Variants in ARHGAP32 observed in about 807,000 individuals in gnomAD.
The protein encoded by ARHGAP32 is Rho GTPase activating protein 32.
In ARHGAP32, 51 loss-of-function variants were observed where a neutral mutation model predicts 186.5. That is an observed-to-expected ratio of 0.27 (90% CI 0.22 to 0.35). ARHGAP32 has a LOEUF of 0.35. Ranked by LOEUF, ARHGAP32 falls within the 10% of genes least tolerant of loss-of-function variation. ARHGAP32 has a pLI of 1.00. For missense variants in ARHGAP32, 2,186 were observed against 2,623.5 expected (o/e 0.83, Z 3.64); for synonymous variants, 950 against 964.3 (o/e 0.99, Z 0.27).
At chr11:129,178,027 G>A (rs1164347446) in intron 1 of ARHGAP32, among the ~76,000 whole-genome samples, 13 of 150,748 alleles carry the variant, frequency 8.6e-5, no homozygotes, top group African/African-American at 3.2e-4. Context: ...TGACATGATT[G>A]TATATCTAGA....
intron 1 of ARHGAP32, among the ~76,000 whole-genome samples, chr11:129,180,045 A>T (rs547193720): frequency 5.3e-5 from 8 of 152,302 alleles, no homozygotes; most frequent in African/African-American, 1.9e-4. Context: ...GAATTAATAC[A>T]TTAGCAAGAT....
At chr11:128,986,786 A>G (rs1333910890) in intron 13 of ARHGAP32, 118 bp from the exon 14 acceptor site, 18 of 868,594 alleles carry the variant, frequency 2.1e-5, no homozygotes, top group Non-Finnish European at 3.1e-5. Context: ...AGTTGCTATT[A>G]TCTTCCATTA....
chr11:129,178,635 G>T (rs927703310), intron 1 of ARHGAP32, among the ~76,000 whole-genome samples: 1 of 151,908 alleles, frequency 6.6e-6, no homozygotes. Context: ...CAGAAATAAT[G>T]CCGCATATCT....
At chr11:129,156,741 G>A (rs1032776800) in intron 2 of ARHGAP32, among the ~76,000 whole-genome samples, 3 of 152,174 alleles carry the variant, frequency 2.0e-5, no homozygotes, top group Admixed American at 2.0e-4. Context: ...GGGACAGACT[G>A]CCCCCTCAAG....
chr11:129,009,006 T>C (rs928070608), intron 11 of ARHGAP32, among the ~76,000 whole-genome samples: 4 of 152,210 alleles, frequency 2.6e-5, no homozygotes, highest in African/African-American at 9.6e-5. Flanking sequence ...ACATCTTCCA[T>C]ATGAACTTTA....
chr11:129,027,644 A>C (rs906338171), intron 11 of ARHGAP32, among the ~76,000 whole-genome samples: 4 of 152,154 alleles, frequency 2.6e-5, no homozygotes, highest in Non-Finnish European at 5.9e-5. Flanking sequence ...TTTGTTCAAA[A>C]GTAGGTTTCT....
intron 13 of ARHGAP32, among the ~76,000 whole-genome samples, chr11:128,987,358 A>T (rs935010818): frequency 4.6e-5 from 7 of 152,184 alleles, no homozygotes; most frequent in African/African-American, 1.7e-4. Context: ...GAAGACTGAA[A>T]CTGTCTTTAG....
rs1012727712 is a variant in ARHGAP32 at position 128,967,282 on chromosome 11, G to A, written c.*1625C>T. The A allele has an allele frequency of 3.3e-5, 5 of 152,120 alleles. No homozygotes were observed. The highest frequency in any genetic ancestry group is 2.0e-4 in the Admixed American group (3 of 15,282). The allele number at this position is 152,120 out of a possible 1,614,324, so 9.4% of individuals were successfully genotyped here. ...GCAGCATGATTTTAGCCTCTTAAAA[G>A]ATTTCCTCCTTTGCTCTAAATAAAA... On this transcript the variant is annotated 3_prime_UTR_variant, in exon 23 of 23. Coordinates refer to ENST00000682385, the MANE Select transcript of ARHGAP32 (RefSeq NM_001378024.1).
intron 1 of ARHGAP32, among the ~76,000 whole-genome samples, chr11:129,212,905 G>A (rs1422234193): frequency 6.7e-6 from 1 of 149,158 alleles, no homozygotes; most frequent in Non-Finnish European, 1.5e-5. Flanking sequence ...AAATTTTAAT[G>A]TAGGTGCAAA....
intron 5 of ARHGAP32, among the ~76,000 whole-genome samples, chr11:129,122,000 A>G (rs1399300815): frequency 2.6e-5 from 4 of 152,030 alleles, no homozygotes; most frequent in African/African-American, 9.7e-5. Context: ...ATTTAGCACA[A>G]CCTCATTCAC....
At chr11:129,169,245 C>A (rs577709304) in intron 1 of ARHGAP32, among the ~76,000 whole-genome samples, 1 of 152,082 alleles carries the variant, frequency 6.6e-6, no homozygotes, top group Non-Finnish European at 1.5e-5. Context: ...TGAACAATCC[C>A]TAGAATAAGT....
intron 11 of ARHGAP32, among the ~76,000 whole-genome samples, chr11:129,039,696 G>A (rs907520673): frequency 1.3e-5 from 2 of 152,190 alleles, no homozygotes; most frequent in Admixed American, 6.5e-5. Context: ...TAAATTGCAC[G>A]ATATGCGAAT....
At position 129,064,862 on chromosome 11, in the gene ARHGAP32, C is replaced by A. The variant is rs1279509902; in HGVS notation, c.741G>T (p.Gly247=). ...SAIAGNKINC[G]PALTWMEIDN... ...ATACCTCCATCCAGGTAAGGGCGGG[C>A]CCACAGTTGATCTTGTTGCCAGCGA... is the stretch of plus-strand genomic sequence containing the variant. Residue 247 remains glycine (G), a synonymous_variant, in exon 8 of 23, where the codon GGG becomes GGT. Coordinates refer to ENST00000682385, the MANE Select transcript of ARHGAP32 (RefSeq NM_001378024.1). 1.9e-6 allele frequency: 3 copies of A among 1,596,886 alleles called. No individual in the cohort carries two copies. The highest frequency in any genetic ancestry group is 2.6e-6 in the Non-Finnish European group (3 of 1,171,640).
At chr11:129,019,299 C>G (rs1938494373) in intron 11 of ARHGAP32, among the ~76,000 whole-genome samples, 1 of 152,100 alleles carries the variant, frequency 6.6e-6, no homozygotes, top group African/African-American at 2.4e-5. Flanking sequence ...ACAGTAATAC[C>G]ATAACGATAA....
chr11:129,127,153 A>C (rs771212076), intron 2 of ARHGAP32, among the ~76,000 whole-genome samples: 13 of 152,176 alleles, frequency 8.5e-5, no homozygotes, highest in Non-Finnish European at 1.8e-4. Flanking sequence ...TCAAGAGAAA[A>C]CGAGAAAACC....
At chr11:129,267,821 T>C (rs1373665947) in intron 1 of ARHGAP32, among the ~76,000 whole-genome samples, 1 of 152,132 alleles carries the variant, frequency 6.6e-6, no homozygotes, top group African/African-American at 2.4e-5. Context: ...CTTCTACTCA[T>C]GGCAGAAGGC....
At chr11:129,117,738 A>T (rs185030956) in intron 5 of ARHGAP32, among the ~76,000 whole-genome samples, 13 of 150,152 alleles carry the variant, frequency 8.7e-5, no homozygotes, top group Middle Eastern at 6.8e-3. Context: ...CCAGATGATA[A>T]AGAAAATACA....
At chr11:129,078,386 T>C (rs149005162) in intron 6 of ARHGAP32, among the ~76,000 whole-genome samples, 44 of 152,254 alleles carry the variant, frequency 2.9e-4, no homozygotes, top group Non-Finnish European at 4.7e-4. Flanking sequence ...TCTGGTAAGA[T>C]GACGAAACAA....
intron 1 of ARHGAP32, among the ~76,000 whole-genome samples, chr11:129,232,689 G>A (rs1052943170): frequency 6.6e-6 from 1 of 152,128 alleles, no homozygotes; most frequent in Non-Finnish European, 1.5e-5. Context: ...CCAAGTTCAT[G>A]CGGGTTGTTG....
Sources: gnomAD v4.1 joint callset for allele counts (sites outside exome capture counted in the v4.1 genomes callset) on GRCh38, gnomAD v4.1.1 for gene constraint, MANE v1.5 for transcripts, NCBI Gene and HGNC (gene_info 2026-07-23, HGNC 2026-07-21) for gene names.